Variants in RNF112 observed in about 807,000 individuals in gnomAD.
RNF112 encodes the protein ring finger protein 112.
Under a neutral mutation model 64.7 loss-of-function variants are expected in RNF112, and 34 were observed. The observed-to-expected ratio is 0.53, with a 90% CI of 0.40 to 0.70. The LOEUF is 0.70. Among genes scored for constraint, RNF112 ranks in the 30% least tolerant of loss-of-function variants. The pLI, the probability that RNF112 is intolerant of heterozygous loss-of-function variation, is 0.00. For synonymous variants in RNF112, 345 were observed against 344.5 expected, an observed-to-expected ratio of 1.00 and a Z score of -0.02; for missense variants, 734 against 850.0, an observed-to-expected ratio of 0.86 and a Z score of 1.70.
In RNF112 at chr17:19,413,102, G is replaced by C; in HGVS notation, c.546G>C (p.Lys182Asn). The change falls in exon 4 of 14, where the codon AAG becomes AAC. Residue 182 changes from lysine to asparagine, a missense_variant. Coordinates refer to ENST00000461366, the MANE Select transcript of RNF112 (RefSeq NM_007148.5). The surrounding 1 kb of genome is among the most constrained non-coding windows in gnomAD (Gnocchi z 5.9). ...LAVLGEQHSG[K>N]SFLLNHLLQG... The stretch of plus-strand genomic sequence containing the variant: ...TCCTGGGGGAGCAGCACTCAGGGAA[G>C]TCCTTCCTCCTCAACCATTTGCTTC... The C allele has an allele frequency of 6.2e-7, 1 of 1,613,426 alleles. No individual in the cohort carries two copies. The highest frequency in any genetic ancestry group is 8.5e-7 in the Non-Finnish European group (1 of 1,179,842).
rs774827298 is a variant in RNF112 at position 19,413,582 on chromosome 17, G to T, written c.726G>T (p.Ala242=). The change falls in exon 6 of 14, where the codon GCG becomes GCT. Residue 242 remains alanine, a synonymous_variant. Coordinates refer to ENST00000461366, the MANE Select transcript of RNF112 (RefSeq NM_007148.5). This position sits in a 1 kb window ranked among gnomAD's most constrained non-coding sequence, Gnocchi z 5.9. ...FLLGKEGKKV[A]VFLVDTGDAM... ...TTTCCCTACCCCCTGCATAGGTGGCGGTGTTCCTGGTGGACACAGGGGATG... is the reference window on the plus strand; with the variant it reads ...TTTCCCTACCCCCTGCATAGGTGGCTGTGTTCCTGGTGGACACAGGGGATG... 1 of 1,612,740 alleles carries T rather than the reference G, an allele frequency of 6.2e-7. No individual in the cohort carries two copies. Among genetic ancestry groups the T allele is most frequent in the South Asian group, 1.1e-5 (1 of 90,824 alleles).
intron 8 of RNF112, 40 bp downstream of exon 8, chr17:19,414,545 G>A (rs765289339): frequency 1.2e-5 from 19 of 1,613,798 alleles, no homozygotes; most frequent in South Asian, 2.2e-5. Context: ...CCCAGGCCCC[G>A]CCACCCCCAT....
rs536243781 is a variant in RNF112, at chr17:19,412,200, A to G, written c.96-298A>G. On this transcript the variant is annotated intron_variant, in intron 2 of 13. Transcript: ENST00000461366. This position sits in a 1 kb window ranked among gnomAD's most constrained non-coding sequence, Gnocchi z 5.1. ...GGGGAAGGAACTTGCTTGCATTTGC[A>G]TGGCTGGGATGTGGTGGAGTCCATT... is the stretch of plus-strand genomic sequence containing the variant. Among the ~76,000 whole-genome samples the G allele has an allele frequency of 2.6e-5, 4 of 152,290 alleles. No homozygotes were observed. In the South Asian group the frequency reaches 8.3e-4, roughly 32 times the overall value.
chr17:19,412,347 A>G lies in RNF112; in HGVS notation c.96-151A>G, dbSNP rs1457717982. The G allele has an allele frequency of 1.2e-6, 1 of 822,336 alleles. No individual in the cohort carries two copies. Among genetic ancestry groups the G allele is most frequent in the African/African-American group, 1.7e-5 (1 of 57,514 alleles). 50.9% of individuals were successfully genotyped at this position (822,336 alleles called of 1,614,324 possible). A position where few individuals can be genotyped will look rare whatever the true frequency, so the allele number is the denominator to read the frequency against. On this transcript the variant is annotated intron_variant, in intron 2 of 13. Transcript: ENST00000461366. The surrounding 1 kb of genome is among the most constrained non-coding windows in gnomAD (Gnocchi z 5.1). ...GGCAGAGCTTGGCCTCTCTGGGAGC[A>G]GCTCCGCCTGTCCATGGAGGCACTG...
rs773024451 is a variant in RNF112, at chr17:19,414,638, G to C, written c.986G>C (p.Gly329Ala). 6.2e-7 allele frequency: 1 copy of C among 1,612,944 alleles called. No individual in the cohort carries two copies. Among genetic ancestry groups the C allele is most frequent in the Non-Finnish European group, 8.5e-7 (1 of 1,179,862 alleles). ...DSSHPNKAGQ[G>A]HVGNIFQRLS... ...TCCCACCCCAACAAGGCAGGGCAGG[G>C]GCATGTAGGCAACATCTTCCAGGTG... Residue 329 changes from glycine to alanine, a missense_variant, in exon 9 of 14, where the codon GGG becomes GCG. Transcript: ENST00000461366.
At position 19,415,817 on chromosome 17, in the gene RNF112, T is replaced by C. The variant is rs1325024601; in HGVS notation, c.1538T>C (p.Leu513Pro). Reference protein sequence around the residue: ...AILARHGVALLCKGRDQTLEA... With the variant: ...AILARHGVALPCKGRDQTLEA... ...CTGGCCCGCCATGGTGTGGCCTTAC[T>C]CTGCAAGGGGAGAGATCAGACCTTG... The change falls in exon 14 of 14, where the codon CTC becomes CCC. Residue 513 changes from leucine (L) to proline (P), a missense_variant. Coordinates refer to ENST00000461366, the MANE Select transcript of RNF112 (RefSeq NM_007148.5). The surrounding 1 kb of genome is among the most constrained non-coding windows in gnomAD (Gnocchi z 7.8). The C allele has an allele frequency of 6.2e-7, 1 of 1,613,730 alleles. No individual in the cohort carries two copies. The highest frequency in any genetic ancestry group is 8.5e-7 in the Non-Finnish European group (1 of 1,179,866).
At position 19,414,189 on chromosome 17, in the gene RNF112, C is replaced by T; in HGVS notation, c.876+44C>T. On this transcript the variant is annotated intron_variant, in intron 7 of 13. Coordinates refer to ENST00000461366, the MANE Select transcript of RNF112 (RefSeq NM_007148.5). ...TTGGGGCATCCCCCACCCCCACCCT[C>T]CCCACTAGGGCTGGACCCAAAGGAA... 5 of 1,551,996 alleles carry T rather than the reference C, an allele frequency of 3.2e-6. No homozygotes were observed. The South Asian group carries it at 4.5e-5, about 14-fold the overall frequency.
In RNF112 at chr17:19,415,411, G is replaced by A. The variant is rs1208222571; in HGVS notation, c.1350+72G>A. The A allele has an allele frequency of 6.5e-7, 1 of 1,543,318 alleles. No homozygotes were observed. The highest frequency in any genetic ancestry group is 8.8e-7 in the Non-Finnish European group (1 of 1,142,692). ...GCAGGGAGGTGGGGGCTGTGCCGAG[G>A]CCTCCGGGGTGGGGGTCTGTGTGCC... On this transcript the variant is annotated intron_variant, in intron 12 of 13. Coordinates refer to ENST00000461366, the MANE Select transcript of RNF112 (RefSeq NM_007148.5). This position sits in a 1 kb window ranked among gnomAD's most constrained non-coding sequence, Gnocchi z 7.8.
rs1056243238 is a variant in RNF112, at chr17:19,414,614, C to T, written c.962C>T (p.Ser321Phe). Residue 321 changes from serine (S) to phenylalanine (F), a missense_variant, in exon 9 of 14, where the codon TCC becomes TTC. Physicochemically the swap from Ser to Phe is radical, Grantham distance 155. Transcript: ENST00000461366. ...QHLDLLVRDS[S>F]HPNKAGQGHV... The stretch of plus-strand genomic sequence containing the variant: ...CTGGACCTCTTAGTTCGTGACTCAT[C>T]CCACCCCAACAAGGCAGGGCAGGGG... 6.2e-7 allele frequency: 1 copy of T among 1,613,680 alleles called. No homozygotes were observed. The highest frequency in any genetic ancestry group is 8.5e-7 in the Non-Finnish European group (1 of 1,179,860).
rs994489983 is a variant in RNF112, at chr17:19,413,596, A to G, written c.740A>G (p.Asp247Gly). ...GCATAGGTGGCGGTGTTCCTGGTGG[A>G]CACAGGGGATGCCATGAGCCCTGAG... ...EGKKVAVFLVDTGDAMSPELS... is the reference protein window; with the variant it reads ...EGKKVAVFLVGTGDAMSPELS... Residue 247 changes from aspartate (D) to glycine (G), a missense_variant, in exon 6 of 14, where the codon GAC becomes GGC. Physicochemically the swap from Asp to Gly is moderately conservative, Grantham distance 94. Transcript: ENST00000461366. This position sits in a 1 kb window ranked among gnomAD's most constrained non-coding sequence, Gnocchi z 5.9. 1 of 1,613,106 alleles carries G rather than the reference A, an allele frequency of 6.2e-7. No homozygotes were observed.
chr17:19,414,145 G>A lies in RNF112; in HGVS notation c.876G>A (p.Glu292=). 1 of 1,603,740 alleles carries A rather than the reference G, an allele frequency of 6.2e-7. No individual in the cohort carries two copies. ...AGGATACAGACCTGGACTATCTGGA[G>A]GTAAAGAGACCTCTGATGTTGGGGC... The part of the protein sequence containing the change: ...ELKDTDLDYL[E]MFVHVAEVMG... Residue 292 remains glutamate (E), a splice_region_variant and synonymous_variant, in exon 7 of 14, where the codon GAG becomes GAA. Transcript: ENST00000461366.
Position 19,411,335 on chromosome 17 carries a change from G to C in RNF112, c.-74G>C. 8 of 1,450,154 alleles carry C rather than the reference G, an allele frequency of 5.5e-6. No homozygotes were observed. In the Admixed American group the frequency reaches 9.3e-5, roughly 17 times the overall value. The allele number at this position is 1,450,154 out of a possible 1,614,324, so 89.8% of individuals were successfully genotyped here. The stretch of plus-strand genomic sequence containing the variant: ...CCTGCTAGCCTTTCCGGGAGAAAAG[G>C]CATCCTTACCTCTGGTTGAAGGTCT... On this transcript the variant is annotated 5_prime_UTR_variant, in exon 1 of 14. Coordinates refer to ENST00000461366, the MANE Select transcript of RNF112 (RefSeq NM_007148.5).
rs1298120689 is a variant in RNF112, at chr17:19,413,813, G to A, written c.825+132G>A. On this transcript the variant is annotated intron_variant, in intron 6 of 13. Coordinates refer to ENST00000461366, the MANE Select transcript of RNF112 (RefSeq NM_007148.5). This position sits in a 1 kb window ranked among gnomAD's most constrained non-coding sequence, Gnocchi z 5.9. ...AGGTTCTGGGGCTGCCTTAGAAGGGGGAAGGTGCTCCTAGTTGGTGAAGGT... is the reference window on the plus strand; with the variant it reads ...AGGTTCTGGGGCTGCCTTAGAAGGGAGAAGGTGCTCCTAGTTGGTGAAGGT... 17 of 709,728 alleles carry A rather than the reference G, an allele frequency of 2.4e-5. No homozygotes were observed. Among genetic ancestry groups the A allele is most frequent in the Non-Finnish European group, 3.0e-5 (13 of 432,600 alleles). The allele number at this position is 709,728 out of a possible 1,614,324, so 44.0% of individuals were successfully genotyped here.
chr17:19,414,087 G>T lies in RNF112; in HGVS notation c.826-8G>T. ...ATCTCTCATACATGTTGTTCTCTCT[G>T]ATTCCAGATCCTCAGCACCTCCCAG... On this transcript the variant is annotated splice_region_variant and splice_polypyrimidine_tract_variant and intron_variant, in intron 6 of 13. Coordinates refer to ENST00000461366, the MANE Select transcript of RNF112 (RefSeq NM_007148.5). 6.2e-7 allele frequency: 1 copy of T among 1,600,042 alleles called. No homozygotes were observed. The highest frequency in any genetic ancestry group is 1.1e-5 in the South Asian group (1 of 90,804).
At position 19,415,721 on chromosome 17, in the gene RNF112, G is replaced by T; in HGVS notation, c.1442G>T (p.Arg481Leu). Residue 481 changes from arginine to leucine, a missense_variant, in exon 14 of 14, where the codon CGC (arginine) becomes CTC (leucine). Arg to Leu is a moderately radical substitution (Grantham distance 102). Coordinates refer to ENST00000461366, the MANE Select transcript of RNF112 (RefSeq NM_007148.5). The surrounding 1 kb of genome is among the most constrained non-coding windows in gnomAD (Gnocchi z 7.8). ...YVRQQDVATKRIFSALRVLPD... is the reference protein window; with the variant it reads ...YVRQQDVATKLIFSALRVLPD... Reference sequence around the variant, plus strand: ...CTGTCACAGGACGTAGCCACCAAGCGCATATTCTCTGCGCTGCGGGTCCTG... The same window carrying T: ...CTGTCACAGGACGTAGCCACCAAGCTCATATTCTCTGCGCTGCGGGTCCTG... 2 of 1,610,650 alleles carry T rather than the reference G, an allele frequency of 1.2e-6. No homozygotes were observed. Among genetic ancestry groups the T allele is most frequent in the South Asian group, 2.2e-5 (2 of 90,766 alleles).
Position 19,416,704 on chromosome 17 carries a change from A to G in RNF112, c.*529A>G, listed in dbSNP as rs1913906699. ...CAGAACCAGAGAGATGGGACATGGT[A>G]GACTGTGGCCCAGACCCCAGAGCAG... On this transcript the variant is annotated 3_prime_UTR_variant, in exon 14 of 14. Transcript: ENST00000461366. 1 of 156,478 alleles carries G rather than the reference A, an allele frequency of 6.4e-6. No individual in the cohort carries two copies. The highest frequency in any genetic ancestry group is 1.9e-4 in the South Asian group (1 of 5,236). 9.7% of individuals were successfully genotyped at this position (156,478 alleles called of 1,614,324 possible).
chr17:19,414,084 T>A lies in RNF112; in HGVS notation c.826-11T>A, dbSNP rs763914900. The A allele has an allele frequency of 2.5e-6, 4 of 1,599,684 alleles. No individual in the cohort carries two copies. The highest frequency in any genetic ancestry group is 3.4e-6 in the Non-Finnish European group (4 of 1,167,954). On this transcript the variant is annotated splice_polypyrimidine_tract_variant and intron_variant, in intron 6 of 13. Coordinates refer to ENST00000461366, the MANE Select transcript of RNF112 (RefSeq NM_007148.5). Reference sequence around the variant, plus strand: ...GTAATCTCTCATACATGTTGTTCTCTCTGATTCCAGATCCTCAGCACCTCC... The same window carrying A: ...GTAATCTCTCATACATGTTGTTCTCACTGATTCCAGATCCTCAGCACCTCC...
chr17:19,413,808 A>G lies in RNF112; in HGVS notation c.825+127A>G. On this transcript the variant is annotated intron_variant, in intron 6 of 13. Transcript: ENST00000461366. This position sits in a 1 kb window ranked among gnomAD's most constrained non-coding sequence, Gnocchi z 5.9. ...CTGATAGGTTCTGGGGCTGCCTTAGAAGGGGGAAGGTGCTCCTAGTTGGTG... is the reference window on the plus strand; with the variant it reads ...CTGATAGGTTCTGGGGCTGCCTTAGGAGGGGGAAGGTGCTCCTAGTTGGTG... 1.4e-6 allele frequency: 1 copy of G among 722,758 alleles called. No homozygotes were observed. Among genetic ancestry groups the G allele is most frequent in the East Asian group, 2.7e-5 (1 of 36,748 alleles). 44.8% of individuals were successfully genotyped at this position (722,758 alleles called of 1,614,324 possible).
At chr17:19,414,052 G>C in intron 6 of RNF112, 43 bp from the exon 7 acceptor site, 1 of 1,568,042 alleles carries the variant, frequency 6.4e-7, no homozygotes, top group Non-Finnish European at 8.8e-7. Flanking sequence ...GAAGTCACCC[G>C]GCCTCTGTAA....
Sources: gnomAD v4.1 joint callset for allele counts (sites outside exome capture counted in the v4.1 genomes callset) on GRCh38, gnomAD v4.1.1 for gene constraint, Gnocchi (gnomAD v3.1) non-coding constraint, MANE v1.5 for transcripts, NCBI Gene and HGNC (gene_info 2026-07-23, HGNC 2026-07-21) for gene names.